The following G6PC1 variants were observed in gnomAD, a reference collection of about 807,000 sequenced individuals.
G6PC1 encodes G-6-Pase.
A neutral mutation model predicts 30.4 loss-of-function variants in G6PC1; 23 were observed. The ratio of observed to expected loss-of-function variants is 0.76; its 90% CI spans 0.55 to 1.07. The LOEUF (loss-of-function observed/expected upper bound fraction) is 1.07, where lower values mean the gene tolerates loss of function less well. Ranked by LOEUF, G6PC1 falls within the 50% of genes least tolerant of loss-of-function variation. The pLI, the probability that G6PC1 is intolerant of heterozygous loss-of-function variation, is 0.00. For missense variants in G6PC1, 391 were observed against 433.9 expected (o/e 0.90, Z 0.88); for synonymous variants, 163 against 175.6 (o/e 0.93, Z 0.57).
chr17:42,911,416 A>G lies in G6PC1; in HGVS notation c.1064A>G (p.Lys355Arg), dbSNP rs777825445. The G allele has an allele frequency of 8.1e-6, 13 of 1,614,064 alleles. No individual in the cohort carries two copies. The Admixed American group carries it at 1.5e-4, about 19-fold the overall frequency. ...LAQVLGQPHK[K>R]SL ...CAGGTCCTGGGCCAGCCGCACAAGA[A>G]GTCGTTGTAAGAGATGTGGAGTCTT... Residue 355 changes from lysine to arginine, a missense_variant, in exon 5 of 5, where the codon AAG becomes AGG. Physicochemically the swap from Lys to Arg is conservative, Grantham distance 26. Coordinates refer to ENST00000253801, the MANE Select transcript of G6PC1 (RefSeq NM_000151.4).
rs992366326 is a variant in G6PC1 at position 42,910,935 on chromosome 17, T to C, written c.583T>C (p.Phe195Leu). The C allele has an allele frequency of 5.6e-6, 9 of 1,614,196 alleles. No individual in the cohort carries two copies. The highest frequency in any genetic ancestry group is 7.6e-6 in the Non-Finnish European group (9 of 1,180,028). ...CTCAGGCATTGCTGTTGCAGAAACT[T>C]TCAGCCACATCCACAGCATCTATAA... ...VLSGIAVAET[F>L]SHIHSIYNAS... The change falls in exon 5 of 5, where the codon TTC (phenylalanine) becomes CTC (leucine). Residue 195 changes from phenylalanine (F) to leucine (L), a missense_variant. Coordinates refer to ENST00000253801, the MANE Select transcript of G6PC1 (RefSeq NM_000151.4).
At position 42,913,137 on chromosome 17, in the gene G6PC1, A is replaced by C. The variant is rs928224894; in HGVS notation, c.*1711A>C. On this transcript the variant is annotated 3_prime_UTR_variant, in exon 5 of 5. Transcript: ENST00000253801. ...TGTTTTTCAATCTCATCTGATATGC[A>C]GAGTATTTCTGCCCCACCCACCTAC... The C allele has an allele frequency of 1.3e-5, 2 of 152,034 alleles. No homozygotes were observed. Among genetic ancestry groups the C allele is most frequent in the African/African-American group, 4.8e-5 (2 of 41,412 alleles). 9.4% of individuals were successfully genotyped at this position (152,034 alleles called of 1,614,324 possible). A position where few individuals can be genotyped will look rare whatever the true frequency, so the allele number is the denominator to read the frequency against.
intron 2 of G6PC1, among the ~76,000 whole-genome samples, chr17:42,905,477 T>A (rs969999630): frequency 5.0e-5 from 4 of 79,304 alleles, no homozygotes; most frequent in Admixed American, 1.5e-4. Flanking sequence ...CACACACACA[T>A]ATAATACTAG....
Position 42,911,794 on chromosome 17 carries a change from G to T in G6PC1, c.*368G>T, listed in dbSNP as rs530674636. 1 of 342,714 alleles carries T rather than the reference G, an allele frequency of 2.9e-6. No individual in the cohort carries two copies. The highest frequency in any genetic ancestry group is 4.4e-5 in the Admixed American group (1 of 22,756). 21.2% of individuals were successfully genotyped at this position (342,714 alleles called of 1,614,324 possible). On this transcript the variant is annotated 3_prime_UTR_variant, in exon 5 of 5. Coordinates refer to ENST00000253801, the MANE Select transcript of G6PC1 (RefSeq NM_000151.4). ...GCCAGCCCATTTTGAGGCCAGAGGT[G>T]CTGTCAGCTCAGGTGGTCCTCTTTT...
intron 2 of G6PC1, among the ~76,000 whole-genome samples, chr17:42,905,443 T>TACAC (rs748185736): frequency 0.012 from 1,089 of 87,890 alleles, 18 homozygotes; most frequent in African/African-American, 0.037. Flanking sequence ...TATATATATA[T>TACAC]ACACACACAC....
At chr17:42,907,362 G>T (rs2056067962) in intron 2 of G6PC1, among the ~76,000 whole-genome samples, 161 bp from the exon 3 acceptor site, 1 of 149,856 alleles carries the variant, frequency 6.7e-6, no homozygotes, top group Non-Finnish European at 1.5e-5. Flanking sequence ...ATGGTAAGAT[G>T]GGTGGATGGA....
chr17:42,911,848 T>C lies in G6PC1; in HGVS notation c.*422T>C, dbSNP rs2056098743. The C allele has an allele frequency of 8.9e-6, 2 of 224,742 alleles. No individual in the cohort carries two copies. The highest frequency in any genetic ancestry group is 1.7e-3 in the Middle Eastern group (1 of 582). The allele number at this position is 224,742 out of a possible 1,614,324, so 13.9% of individuals were successfully genotyped here. A position where few individuals can be genotyped will look rare whatever the true frequency, so the allele number is the denominator to read the frequency against. The stretch of plus-strand genomic sequence containing the variant: ...ATCCTAATCATATTGGGTAATGTTT[T>C]TGAAAAGCTAATGAAGCTATTGAGA... On this transcript the variant is annotated 3_prime_UTR_variant, in exon 5 of 5. Coordinates refer to ENST00000253801, the MANE Select transcript of G6PC1 (RefSeq NM_000151.4).
rs1355488158 is a variant in G6PC1, at chr17:42,911,110, T to C, written c.758T>C (p.Ile253Thr). The C allele has an allele frequency of 4.3e-6, 7 of 1,614,128 alleles. No individual in the cohort carries two copies. Among genetic ancestry groups the C allele is most frequent in the Non-Finnish European group, 5.9e-6 (7 of 1,180,014 alleles). ...RWCEQPEWVH[I>T]DTTPFASLLK... Reference sequence around the variant, plus strand: ...TGCGAGCAGCCAGAATGGGTCCACATTGACACCACACCCTTTGCCAGCCTC... The same window carrying C: ...TGCGAGCAGCCAGAATGGGTCCACACTGACACCACACCCTTTGCCAGCCTC... Residue 253 changes from isoleucine (I) to threonine (T), a missense_variant, in exon 5 of 5, where the codon ATT (isoleucine) becomes ACT (threonine). Transcript: ENST00000253801.
In G6PC1 at chr17:42,902,111, C is replaced by T. The variant is rs953989676; in HGVS notation, c.230+1005C>T. Among the ~76,000 whole-genome samples, 5 of 152,176 alleles carry T rather than the reference C, an allele frequency of 3.3e-5. 1 individual carries two copies. The highest frequency in any genetic ancestry group is 9.7e-5 in the African/African-American group (4 of 41,442). ...GCCCAGGTAGGCAGGCTGGCTTCCG[C>T]GGCAATGCTCTTATGAACTATGTTA... On this transcript the variant is annotated intron_variant, in intron 1 of 4. Transcript: ENST00000253801.
intron 3 of G6PC1, among the ~76,000 whole-genome samples, chr17:42,909,071 T>C (rs1325947075): frequency 6.6e-6 from 1 of 152,140 alleles, no homozygotes; most frequent in African/African-American, 2.4e-5. Flanking sequence ...CTTGAACTCC[T>C]GGCCTCAAGT....
At chr17:42,905,636 T>C (rs2151930581) in intron 2 of G6PC1, among the ~76,000 whole-genome samples, 1 of 152,024 alleles carries the variant, frequency 6.6e-6, no homozygotes, top group East Asian at 1.9e-4. Flanking sequence ...TCCCTGAAAT[T>C]AATGGAGGCA....
intron 1 of G6PC1, 89 bp from the exon 2 acceptor site, chr17:42,903,842 C>A: frequency 1.1e-6 from 1 of 886,734 alleles, no homozygotes; most frequent in Non-Finnish European, 1.9e-6. Context: ...ATGTGAAATC[C>A]TTCTCAGGCT....
rs1447215157 is a variant in G6PC1 at position 42,900,839 on chromosome 17, C to G, written c.-38C>G. On this transcript the variant is annotated 5_prime_UTR_variant, in exon 1 of 5. Transcript: ENST00000253801. Reference sequence around the variant, plus strand: ...ACCAAGCCTGGAATAACTGCAAGGGCTCTGCTGACATCTTCCTGAGGTGCC... The same window carrying G: ...ACCAAGCCTGGAATAACTGCAAGGGGTCTGCTGACATCTTCCTGAGGTGCC... 6.5e-7 allele frequency: 1 copy of G among 1,543,942 alleles called. No individual in the cohort carries two copies. The highest frequency in any genetic ancestry group is 1.4e-5 in the African/African-American group (1 of 73,500).
intron 2 of G6PC1, 100 bp from the exon 3 acceptor site, chr17:42,907,423 T>C (rs900120322): frequency 9.3e-6 from 7 of 755,740 alleles, no homozygotes; most frequent in Admixed American, 8.0e-5. Flanking sequence ...AATGGGTAGA[T>C]GGGTGGATAG....
rs1272803483 is a variant in G6PC1, at chr17:42,911,160, G to C, written c.808G>C (p.Gly270Arg). Residue 270 changes from glycine (G) to arginine (R), a missense_variant, in exon 5 of 5, where the codon GGC becomes CGC. By Grantham distance (125) the Gly-to-Arg change is moderately radical. Transcript: ENST00000253801. ...CCTCAAGAACCTGGGCACGCTCTTT[G>C]GCCTGGGGCTGGCTCTCAACTCCAG... ...SLLKNLGTLF[G>R]LGLALNSSMY... 1.2e-6 allele frequency: 2 copies of C among 1,614,090 alleles called. No individual in the cohort carries two copies. Among genetic ancestry groups the C allele is most frequent in the Admixed American group, 1.7e-5 (1 of 60,004 alleles).
Position 42,911,399 on chromosome 17 carries a change from G to T in G6PC1, c.1047G>T (p.Leu349=), listed in dbSNP as rs1209679697. 12 of 1,614,202 alleles carry T rather than the reference G, an allele frequency of 7.4e-6. No individual in the cohort carries two copies. The highest frequency in any genetic ancestry group is 1.0e-5 in the Non-Finnish European group (12 of 1,180,038). ...SVIPYCLAQV[L]GQPHKKSL ...TCCCCTACTGCCTCGCCCAGGTCCT[G>T]GGCCAGCCGCACAAGAAGTCGTTGT... The change falls in exon 5 of 5, where the codon CTG becomes CTT. Residue 349 remains leucine (L), a synonymous_variant. Transcript: ENST00000253801.
At position 42,900,812 on chromosome 17, in the gene G6PC1, C is replaced by T; in HGVS notation, c.-65C>T. ...GCACAGACTCATAGCAGAGCAATCA[C>T]CACCAAGCCTGGAATAACTGCAAGG... On this transcript the variant is annotated 5_prime_UTR_variant, in exon 1 of 5. Coordinates refer to ENST00000253801, the MANE Select transcript of G6PC1 (RefSeq NM_000151.4). 7.4e-7 allele frequency: 1 copy of T among 1,345,860 alleles called. No homozygotes were observed. The highest frequency in any genetic ancestry group is 2.3e-5 in the East Asian group (1 of 43,238). The allele number at this position is 1,345,860 out of a possible 1,614,324, so 83.4% of individuals were successfully genotyped here. A position where few individuals can be genotyped will look rare whatever the true frequency, so the allele number is the denominator to read the frequency against.
chr17:42,906,513 C>T (rs999242796), intron 2 of G6PC1, among the ~76,000 whole-genome samples: 1 of 152,076 alleles, frequency 6.6e-6, no homozygotes, highest in Non-Finnish European at 1.5e-5. Flanking sequence ...ATAAGTCCTG[C>T]AGTTCAGGAG....
rs2056020265 is a variant in G6PC1 at position 42,900,818 on chromosome 17, A to C, written c.-59A>C. On this transcript the variant is annotated 5_prime_UTR_variant, in exon 1 of 5. Coordinates refer to ENST00000253801, the MANE Select transcript of G6PC1 (RefSeq NM_000151.4). ...ACTCATAGCAGAGCAATCACCACCA[A>C]GCCTGGAATAACTGCAAGGGCTCTG... The C allele has an allele frequency of 7.1e-7, 1 of 1,402,362 alleles. No individual in the cohort carries two copies. 86.9% of individuals were successfully genotyped at this position (1,402,362 alleles called of 1,614,324 possible).
Sources: allele counts gnomAD v4.1 joint callset (sites outside exome capture counted in the v4.1 genomes callset), GRCh38; gene constraint gnomAD v4.1.1; transcripts MANE v1.5; gene names NCBI Gene and HGNC (gene_info 2026-07-23, HGNC 2026-07-21).